Variants in XKR4 observed in about 807,000 individuals in gnomAD.
XKR4 encodes the protein XK related 4, also known as XK-related protein 4.
In XKR4, 12 loss-of-function variants were observed where a neutral mutation model predicts 53.9. The observed-to-expected ratio is 0.22, with a 90% CI of 0.14 to 0.36. The LOEUF (loss-of-function observed/expected upper bound fraction) is 0.36, where lower values mean the gene tolerates loss of function less well. Among genes scored for constraint, XKR4 ranks in the 10% least tolerant of loss-of-function variants. The pLI, the probability that XKR4 is intolerant of heterozygous loss-of-function variation, is 1.00. For synonymous variants in XKR4, 354 were observed against 362.4 expected (o/e 0.98, Z 0.26); for missense variants, 799 against 859.5 (o/e 0.93, Z 0.88).
chr8:55,119,241 A>G (rs1019201718), intron 1 of XKR4, among the ~76,000 whole-genome samples: 14 of 152,050 alleles, frequency 9.2e-5, no homozygotes, highest in Admixed American at 6.6e-4. Flanking sequence ...AAGGGCAGAG[A>G]GAATGTAGTC....
intron 2 of XKR4, chr8:55,453,515 T>G (rs1477699865): frequency 5.2e-6 from 2 of 383,878 alleles, no homozygotes; most frequent in African/African-American, 2.1e-5. Context: ...GCTCTTGACC[T>G]GCAGCCTGCT....
At position 55,513,531 on chromosome 8, in the gene XKR4, G is replaced by A. The variant is rs186451722; in HGVS notation, c.1007-9750G>A. Among the ~76,000 whole-genome samples the A allele has an allele frequency of 2.6e-5, 4 of 152,324 alleles. No individual in the cohort carries two copies. The East Asian group carries it at 7.7e-4, about 29-fold the overall frequency. ...CTGTTCACTCTGCAAGTGCTTGCCT[G>A]CTGTCCTGGAAATAATCAGGAAGTG... On this transcript the variant is annotated intron_variant, in intron 2 of 2. Transcript: ENST00000327381.
chr8:55,528,043 A>T lies in XKR4; in HGVS notation c.*3816A>T, dbSNP rs1806901608. On this transcript the variant is annotated 3_prime_UTR_variant, in exon 3 of 3. Transcript: ENST00000327381. ...ACACTTTCCAACTAAAGTAACAGAG[A>T]TGAAAAGGATAAAGTATATACTGCT... 1 of 152,206 alleles carries T rather than the reference A, an allele frequency of 6.6e-6. No individual in the cohort carries two copies. The highest frequency in any genetic ancestry group is 1.5e-5 in the Non-Finnish European group (1 of 68,038). 9.4% of individuals were successfully genotyped at this position (152,206 alleles called of 1,614,324 possible). A position where few individuals can be genotyped will look rare whatever the true frequency, so the allele number is the denominator to read the frequency against.
At chr8:55,452,226 G>T in intron 2 of XKR4, 1 of 659,708 alleles carries the variant, frequency 1.5e-6, no homozygotes. Flanking sequence ...CAGCTGGAAT[G>T]TGCAGGAGCG....
chr8:55,109,154 A>G (rs1261663879), intron 1 of XKR4, among the ~76,000 whole-genome samples: 1 of 152,178 alleles, frequency 6.6e-6, no homozygotes, highest in South Asian at 2.1e-4. Context: ...TTGCAGATCA[A>G]CTGGGCTTCC....
At chr8:55,371,135 G>A (rs1804064686) in intron 2 of XKR4, among the ~76,000 whole-genome samples, 1 of 151,072 alleles carries the variant, frequency 6.6e-6, no homozygotes, top group African/African-American at 2.4e-5. Flanking sequence ...TTTGAAGGAG[G>A]AGGACATCAG....
chr8:55,402,557 T>C (rs1804616423), intron 2 of XKR4, among the ~76,000 whole-genome samples: 1 of 152,216 alleles, frequency 6.6e-6, no homozygotes, highest in Non-Finnish European at 1.5e-5. Flanking sequence ...ATACCAGAAC[T>C]GACCCAGCCA....
At chr8:55,197,737 G>A (rs1465850203) in intron 1 of XKR4, among the ~76,000 whole-genome samples, 1 of 152,040 alleles carries the variant, frequency 6.6e-6, no homozygotes, top group Admixed American at 6.6e-5. Flanking sequence ...TAGAGACAGG[G>A]TTTCATTGTG....
At chr8:55,341,914 G>A (rs1803553473) in intron 1 of XKR4, among the ~76,000 whole-genome samples, 1 of 151,946 alleles carries the variant, frequency 6.6e-6, no homozygotes, top group South Asian at 2.1e-4. Context: ...CATTAAGGCT[G>A]GCACTGTAAG....
At chr8:55,303,157 T>C (rs2129377145) in intron 1 of XKR4, among the ~76,000 whole-genome samples, 1 of 152,324 alleles carries the variant, frequency 6.6e-6, no homozygotes, top group South Asian at 2.1e-4. Context: ...TCTTATTATT[T>C]TGAGATAGGT....
intron 1 of XKR4, among the ~76,000 whole-genome samples, chr8:55,218,291 G>A (rs953789021): frequency 7.9e-5 from 12 of 152,160 alleles, no homozygotes; most frequent in Non-Finnish European, 1.8e-4. Context: ...GTGATATGTG[G>A]TTATTATCCT....
At chr8:55,163,763 T>G (rs151157285) in intron 1 of XKR4, among the ~76,000 whole-genome samples, 4,619 of 152,140 alleles carry the variant, frequency 0.03, 183 homozygotes, top group East Asian at 0.12. Flanking sequence ...GAGAATCGGT[T>G]GAACTCAGGA....
chr8:55,349,476 T>C (rs1286194003), intron 1 of XKR4, among the ~76,000 whole-genome samples: 1 of 152,200 alleles, frequency 6.6e-6, no homozygotes, highest in African/African-American at 2.4e-5. Context: ...CCTACATCCC[T>C]CCAGCTTCTG....
At chr8:55,229,519 A>C (rs1262630606) in intron 1 of XKR4, among the ~76,000 whole-genome samples, 3 of 152,344 alleles carry the variant, frequency 2.0e-5, no homozygotes, top group African/African-American at 4.8e-5. Flanking sequence ...GTATGGCTGG[A>C]TGGATGGAGG....
chr8:55,449,718 T>C (rs1805401211), intron 2 of XKR4: 1 of 907,946 alleles, frequency 1.1e-6, no homozygotes, highest in African/African-American at 1.6e-5. Context: ...TTGCACTCAG[T>C]GTCCACACGG....
chr8:55,202,549 G>T (rs1817589719), intron 1 of XKR4, among the ~76,000 whole-genome samples: 6 of 152,160 alleles, frequency 3.9e-5, no homozygotes, highest in Admixed American at 3.9e-4. Flanking sequence ...GGCTCTTTAG[G>T]TGTGTTTTCC....
chr8:55,399,797 A>G (rs1394272420), intron 2 of XKR4, among the ~76,000 whole-genome samples: 1 of 152,230 alleles, frequency 6.6e-6, no homozygotes, highest in Non-Finnish European at 1.5e-5. Context: ...ACCTAAGAAC[A>G]GAAGAGAAGA....
chr8:55,464,058 A>C (rs1805713290), intron 2 of XKR4, among the ~76,000 whole-genome samples: 1 of 152,100 alleles, frequency 6.6e-6, no homozygotes, highest in Admixed American at 6.6e-5. Context: ...CAATGAGAAG[A>C]TGGTACCATT....
chr8:55,190,229 G>A (rs1448796009), intron 1 of XKR4, among the ~76,000 whole-genome samples: 1 of 152,202 alleles, frequency 6.6e-6, no homozygotes, highest in East Asian at 1.9e-4. Flanking sequence ...CTTGGAGGAG[G>A]AAGGACCATC....
Sources: gnomAD v4.1 joint callset for allele counts (sites outside exome capture counted in the v4.1 genomes callset) on GRCh38, gnomAD v4.1.1 for gene constraint, MANE v1.5 for transcripts, NCBI Gene and HGNC (gene_info 2026-07-23, HGNC 2026-07-21) for gene names.